LAMA1: variants seen among roughly 807,000 people sequenced by gnomAD.
LAMA1 encodes laminin subunit alpha-1.
Under a neutral mutation model 348.7 loss-of-function variants are expected in LAMA1, and 219 were observed. The ratio of observed to expected loss-of-function variants is 0.63; its 90% CI spans 0.56 to 0.70. LAMA1 has a LOEUF of 0.70. LAMA1 is among the 30% of genes least tolerant of loss of function. The pLI, the probability that LAMA1 is intolerant of heterozygous loss-of-function variation, is 0.00. For missense variants in LAMA1, 3,744 were observed against 3,888.0 expected, an observed-to-expected ratio of 0.96 and a Z score of 0.99; for synonymous variants, 1,487 against 1,491.0, an observed-to-expected ratio of 1.00 and a Z score of 0.06.
chr18:7,116,795 TTC>T (rs376396288), intron 1 of LAMA1, among the ~76,000 whole-genome samples: 10 of 151,768 alleles, frequency 6.6e-5, no homozygotes, highest in Non-Finnish European at 5.9e-5. Flanking sequence ...TTTTCTTTCT[TTC>T]TCTCTCTTTC....
At chr18:7,053,709 C>T (rs1037974955) in intron 3 of LAMA1, among the ~76,000 whole-genome samples, 5 of 152,072 alleles carry the variant, frequency 3.3e-5, no homozygotes, top group Middle Eastern at 3.2e-3. Flanking sequence ...TCTGCAAGTA[C>T]TTCCAGTGAC....
chr18:7,097,133 T>C (rs57460362), intron 1 of LAMA1, among the ~76,000 whole-genome samples: 10,958 of 152,116 alleles, frequency 0.072, 1,152 homozygotes, highest in African/African-American at 0.23. Context: ...TTAGTCCCAG[T>C]AGGGTGCATG....
chr18:6,977,813 G>C lies in LAMA1; in HGVS notation c.6259C>G (p.Pro2087Ala), dbSNP rs1404014707. The stretch of plus-strand genomic sequence containing the variant: ...AGATTCTCCTCTAACATCTTCAAAG[G>C]CTTCAACCGATCAAACAAAAGGTTG... Reference protein sequence around the residue: ...QANLLFDRLKPLKMLEENLSR... With the variant: ...QANLLFDRLKALKMLEENLSR... Residue 2087 changes from proline (P) to alanine (A), a missense_variant, in exon 44 of 63, where the codon CCT (proline) becomes GCT (alanine). By Grantham distance (27) the Pro-to-Ala change is conservative (BLOSUM62 -1). Coordinates refer to ENST00000389658, the MANE Select transcript of LAMA1 (RefSeq NM_005559.4). The C allele has an allele frequency of 8.7e-6, 14 of 1,613,970 alleles. No homozygotes were observed. In the South Asian group the frequency reaches 8.8e-5, roughly 10 times the overall value.
At chr18:7,117,253 C>A (rs1268478024) in intron 1 of LAMA1, among the ~76,000 whole-genome samples, 2 of 151,906 alleles carry the variant, frequency 1.3e-5, no homozygotes, top group Admixed American at 6.6e-5. Flanking sequence ...CCGCGCCCGG[C>A]CAACAGCCCC....
intron 1 of LAMA1, among the ~76,000 whole-genome samples, chr18:7,087,745 G>A (rs2058223341): frequency 6.6e-6 from 1 of 152,188 alleles, no homozygotes; most frequent in African/African-American, 2.4e-5. Flanking sequence ...AAGTCAGGCA[G>A]CCCCCAGTGT....
At chr18:7,092,352 C>T (rs1202119408) in intron 1 of LAMA1, among the ~76,000 whole-genome samples, 1 of 152,124 alleles carries the variant, frequency 6.6e-6, no homozygotes, top group African/African-American at 2.4e-5. Context: ...CTAAGAATGC[C>T]GGCTGGGTGC....
At chr18:7,020,296 T>C (rs2057909610) in intron 19 of LAMA1, among the ~76,000 whole-genome samples, 1 of 152,126 alleles carries the variant, frequency 6.6e-6, no homozygotes, top group Admixed American at 6.5e-5. Context: ...GATCAGTTTC[T>C]CCTCCTACCA....
intron 41 of LAMA1, among the ~76,000 whole-genome samples, chr18:6,981,085 G>A (rs1293248995): frequency 9.9e-5 from 15 of 151,276 alleles, no homozygotes; most frequent in African/African-American, 2.2e-4. Flanking sequence ...CCTGGGCGAC[G>A]GAGCGAGACT....
intron 16 of LAMA1, among the ~76,000 whole-genome samples, chr18:7,029,814 G>T (rs1045001042): frequency 3.9e-5 from 6 of 152,112 alleles, no homozygotes; most frequent in Admixed American, 6.5e-5. Flanking sequence ...AGCTAAGAGA[G>T]CTCAGAGAGA....
chr18:7,076,139 C>CTAA (rs1479931013), intron 3 of LAMA1, among the ~76,000 whole-genome samples: 1 of 152,016 alleles, frequency 6.6e-6, no homozygotes, highest in Non-Finnish European at 1.5e-5. Context: ...TGGTAGTTGG[C>CTAA]TAATGGCTAA....
chr18:7,001,131 G>A (rs1435329402), intron 30 of LAMA1, among the ~76,000 whole-genome samples: 2 of 137,260 alleles, frequency 1.5e-5, no homozygotes, highest in Non-Finnish European at 3.0e-5. Context: ...ATGAATAGAC[G>A]TGGATATGAA....
chr18:7,045,419 G>A (rs141769616), intron 6 of LAMA1, among the ~76,000 whole-genome samples: 9,022 of 152,060 alleles, frequency 0.059, 645 homozygotes, highest in East Asian at 0.19. Flanking sequence ...GCAGTGAGCC[G>A]AGATTGCACC....
chr18:7,025,299 G>A (rs2057937368), intron 17 of LAMA1, among the ~76,000 whole-genome samples: 1 of 152,160 alleles, frequency 6.6e-6, no homozygotes, highest in Non-Finnish European at 1.5e-5. Flanking sequence ...GGCACGCCCA[G>A]CTCCATCTGC....
intron 13 of LAMA1, 60 bp from the exon 14 acceptor site, chr18:7,034,750 T>G: frequency 6.6e-7 from 1 of 1,513,788 alleles, no homozygotes; most frequent in Non-Finnish European, 9.1e-7. Flanking sequence ...AAAATAAAAA[T>G]AAAATCAAAT....
At chr18:7,100,412 C>T (rs1028391119) in intron 1 of LAMA1, among the ~76,000 whole-genome samples, 1 of 152,130 alleles carries the variant, frequency 6.6e-6, no homozygotes, top group African/African-American at 2.4e-5. Context: ...GGCTGTAAAA[C>T]AGTGCAGACA....
intron 42 of LAMA1, among the ~76,000 whole-genome samples, chr18:6,979,212 C>A (rs1271422928): frequency 6.6e-6 from 1 of 152,158 alleles, no homozygotes; most frequent in Admixed American, 6.5e-5. Context: ...AAAAAATCTT[C>A]CGGATCAGAA....
intron 48 of LAMA1, among the ~76,000 whole-genome samples, chr18:6,967,194 C>G (rs2057637042): frequency 6.6e-6 from 1 of 152,176 alleles, no homozygotes; most frequent in African/African-American, 2.4e-5. Flanking sequence ...TTTGTGAAAC[C>G]TGAGGTTTCA....
chr18:7,044,957 T>C (rs1489002748), intron 6 of LAMA1, 118 bp from the exon 7 acceptor site: 14 of 804,536 alleles, frequency 1.7e-5, no homozygotes, highest in Non-Finnish European at 2.6e-5. Flanking sequence ...ACAGAGGATA[T>C]ATGATTATCA....
chr18:7,027,219 T>A (rs1214080384), intron 16 of LAMA1, among the ~76,000 whole-genome samples: 1 of 152,220 alleles, frequency 6.6e-6, no homozygotes, highest in East Asian at 1.9e-4. Context: ...CAGCGTTACA[T>A]TGACTTAAGT....
Sources: allele counts gnomAD v4.1 joint callset (sites outside exome capture counted in the v4.1 genomes callset), GRCh38; gene constraint gnomAD v4.1.1; transcripts MANE v1.5; gene names NCBI Gene and HGNC (gene_info 2026-07-23, HGNC 2026-07-21).